TFAP2D: variants seen among roughly 807,000 people sequenced by gnomAD.
TFAP2D encodes the protein transcription factor AP-2-delta.
A neutral mutation model predicts 43.6 loss-of-function variants in TFAP2D; 9 were observed. The observed-to-expected ratio is 0.21, with a 90% CI of 0.12 to 0.36. TFAP2D has a LOEUF of 0.36. Ranked by LOEUF, TFAP2D falls within the 10% of genes least tolerant of loss-of-function variation. The pLI is 1.00. For synonymous variants in TFAP2D, 256 were observed against 224.9 expected (o/e 1.14, Z -1.24); for missense variants, 513 against 561.4 (o/e 0.91, Z 0.87).
At chr6:50,751,772 G>C (rs559266956) in intron 7 of TFAP2D, among the ~76,000 whole-genome samples, 1 of 152,000 alleles carries the variant, frequency 6.6e-6, no homozygotes, top group Non-Finnish European at 1.5e-5. Context: ...GTGGGGTGGA[G>C]GGGACACACA....
At chr6:50,755,710 G>A (rs1302915026) in intron 7 of TFAP2D, among the ~76,000 whole-genome samples, 1 of 151,846 alleles carries the variant, frequency 6.6e-6, no homozygotes, top group Non-Finnish European at 1.5e-5. Context: ...TCTACTGGGA[G>A]CCCGAGGTGA....
At chr6:50,746,113 A>G (rs1769121890) in intron 6 of TFAP2D, among the ~76,000 whole-genome samples, 1 of 152,196 alleles carries the variant, frequency 6.6e-6, no homozygotes, top group Admixed American at 6.6e-5. Context: ...ATTGATACAT[A>G]TAGGCCATTA....
Position 50,732,431 on chromosome 6 carries a change from A to G in TFAP2D, c.883+3119A>G, listed in dbSNP as rs1350577780. Among the ~76,000 whole-genome samples, 3 of 152,196 alleles carry G rather than the reference A, an allele frequency of 2.0e-5. No homozygotes were observed. In the East Asian group the frequency reaches 5.8e-4, roughly 29 times the overall value. On this transcript the variant is annotated intron_variant, in intron 5 of 7. Transcript: ENST00000008391. ...CTCAAACATCCTAATGGCCCAATACATTACTGGGGTTCAATCATACCCCCA... is the reference window on the plus strand; with the variant it reads ...CTCAAACATCCTAATGGCCCAATACGTTACTGGGGTTCAATCATACCCCCA...
chr6:50,764,258 C>T (rs1021630772), intron 7 of TFAP2D, among the ~76,000 whole-genome samples: 14 of 152,058 alleles, frequency 9.2e-5, no homozygotes, highest in Non-Finnish European at 1.6e-4. Flanking sequence ...AAAAAGGTCT[C>T]AATTTTATTT....
intron 6 of TFAP2D, 44 bp downstream of exon 6, chr6:50,745,292 T>C (rs768223298): frequency 6.6e-5 from 103 of 1,569,294 alleles, no homozygotes; most frequent in Middle Eastern, 5.1e-4. Context: ...ATCTTCAGTA[T>C]TTTTTTTTCA....
intron 6 of TFAP2D, among the ~76,000 whole-genome samples, chr6:50,745,821 T>C (rs1206723441): frequency 1.3e-5 from 2 of 152,070 alleles, no homozygotes; most frequent in Non-Finnish European, 2.9e-5. Context: ...TCAAAGCTTC[T>C]GGAAATTGTA....
intron 7 of TFAP2D, among the ~76,000 whole-genome samples, chr6:50,770,412 GA>G (rs200508143): frequency 1.1e-3 from 163 of 150,402 alleles, no homozygotes; most frequent in African/African-American, 3.8e-3. Flanking sequence ...TCAGAGATGG[GA>G]ATTTTTTTTT....
chr6:50,762,130 C>G (rs1436645999), intron 7 of TFAP2D, among the ~76,000 whole-genome samples: 1 of 152,106 alleles, frequency 6.6e-6, no homozygotes, highest in Non-Finnish European at 1.5e-5. Flanking sequence ...TTCTTTCCAA[C>G]AGCAGTCTCT....
At chr6:50,754,649 T>G (rs1447089233) in intron 7 of TFAP2D, among the ~76,000 whole-genome samples, 2 of 151,930 alleles carry the variant, frequency 1.3e-5, no homozygotes, top group African/African-American at 4.8e-5. Context: ...TATTTCTCCA[T>G]ATCTTCACCA....
intron 7 of TFAP2D, among the ~76,000 whole-genome samples, chr6:50,770,299 A>G (rs1308547271): frequency 6.6e-6 from 1 of 152,230 alleles, no homozygotes; most frequent in Non-Finnish European, 1.5e-5. Flanking sequence ...AAGACCTTGT[A>G]GCAGAGGTGT....
intron 3 of TFAP2D, among the ~76,000 whole-genome samples, chr6:50,722,687 A>T (rs1422057815): frequency 6.6e-6 from 1 of 152,066 alleles, no homozygotes; most frequent in Non-Finnish European, 1.5e-5. Context: ...GGGTGGGGGT[A>T]CAAGTGGGTA....
chr6:50,728,862 C>A lies in TFAP2D; in HGVS notation c.605C>A (p.Thr202Asn), dbSNP rs763074648. ...GQGGVIRRGG[T>N]CVVNPTDLFC... ...ATACTTTTTTTCTCCCAAGGTGGCA[C>A]CTGTGTGGTCAACCCCACAGACTTA... The change falls in exon 4 of 8, where the codon ACC becomes AAC. Residue 202 changes from threonine (T) to asparagine (N), a missense_variant. Thr to Asn is a moderately conservative substitution (Grantham distance 65, BLOSUM62 0). This residue lies in a region of TFAP2D where 311 missense variants were observed against 316.2 expected (regional missense o/e 0.98). Transcript: ENST00000008391. 37 of 1,613,618 alleles carry A rather than the reference C, an allele frequency of 2.3e-5. No homozygotes were observed. The highest frequency in any genetic ancestry group is 8.5e-6 in the Non-Finnish European group (10 of 1,179,808).
chr6:50,767,559 C>T (rs557719890), intron 7 of TFAP2D, among the ~76,000 whole-genome samples: 1 of 152,282 alleles, frequency 6.6e-6, no homozygotes, highest in African/African-American at 2.4e-5. Flanking sequence ...TTTAAGTCCT[C>T]TCATCACTTT....
chr6:50,729,079 C>A lies in TFAP2D; in HGVS notation c.764+58C>A, dbSNP rs149653647. On this transcript the variant is annotated intron_variant, in intron 4 of 7. Coordinates refer to ENST00000008391, the MANE Select transcript of TFAP2D (RefSeq NM_172238.4). ...CTGCTAACTGATACCATACCCTCAACCCTTAGTCATGATGTCTTCCATCTG... is the reference window on the plus strand; with the variant it reads ...CTGCTAACTGATACCATACCCTCAAACCTTAGTCATGATGTCTTCCATCTG... 993 of 1,606,192 alleles carry A rather than the reference C, an allele frequency of 6.2e-4. 6 individuals carry two copies. In the African/African-American group the frequency reaches 9.4e-3, roughly 15 times the overall value.
At chr6:50,754,358 G>A (rs531749318) in intron 7 of TFAP2D, among the ~76,000 whole-genome samples, 2 of 152,032 alleles carry the variant, frequency 1.3e-5, no homozygotes, top group African/African-American at 4.8e-5. Flanking sequence ...GTGTGTGTGT[G>A]TGTAAGTGTG....
intron 3 of TFAP2D, among the ~76,000 whole-genome samples, chr6:50,719,648 CT>C: frequency 6.6e-6 from 1 of 152,286 alleles, no homozygotes; most frequent in East Asian, 1.9e-4. Flanking sequence ...CTGTGAAAGG[CT>C]AGATCATTGA....
rs1015688527 is a variant in TFAP2D at position 50,772,798 on chromosome 6, G to C, written c.1293G>C (p.Glu431Asp). ...CTGGCCAAGGACATGCCAACTCGGA[G>C]AAAGCTCCCCTGCGGAAAACTTCAG... ...ADSGQGHANSEKAPLRKTSEA... is the reference protein window; with the variant it reads ...ADSGQGHANSDKAPLRKTSEA... The change falls in exon 8 of 8, where the codon GAG becomes GAC. Residue 431 changes from glutamate (E) to aspartate (D), a missense_variant. Glu to Asp is a conservative substitution (Grantham distance 45). Coordinates refer to ENST00000008391, the MANE Select transcript of TFAP2D (RefSeq NM_172238.4). The C allele has an allele frequency of 3.7e-6, 6 of 1,613,954 alleles. No individual in the cohort carries two copies. The African/African-American group carries it at 4.0e-5, about 11-fold the overall frequency.
rs367764519 is a variant in TFAP2D, at chr6:50,742,295, G to A, written c.884-2812G>A. 3.9e-5 allele frequency among the ~76,000 whole-genome samples: 6 copies of A among 152,004 alleles called. No homozygotes were observed. The East Asian group carries it at 7.8e-4, about 20-fold the overall frequency. ...AATGTTATATCACAAGCAGGAGAAA[G>A]CAGTAAACAGAACTGAGGGAAGGAA... On this transcript the variant is annotated intron_variant, in intron 5 of 7. Coordinates refer to ENST00000008391, the MANE Select transcript of TFAP2D (RefSeq NM_172238.4).
At chr6:50,756,631 G>C (rs1344040547) in intron 7 of TFAP2D, among the ~76,000 whole-genome samples, 1 of 152,010 alleles carries the variant, frequency 6.6e-6, no homozygotes, top group Non-Finnish European at 1.5e-5. Context: ...AGCCTGGAAA[G>C]CTTCTTGTTT....
Sources: allele counts gnomAD v4.1 joint callset (sites outside exome capture counted in the v4.1 genomes callset), GRCh38; gene constraint gnomAD v4.1.1; regional missense constraint gnomAD v4.1.1; transcripts MANE v1.5; gene names NCBI Gene and HGNC (gene_info 2026-07-23, HGNC 2026-07-21).